Variants in MEGF6 observed in about 807,000 individuals in gnomAD.
MEGF6 encodes the protein multiple EGF like domains 6.
Under a neutral mutation model 207.1 loss-of-function variants are expected in MEGF6, and 184 were observed. The observed-to-expected ratio is 0.89, with a 90% confidence interval of 0.79 to 1.00. The LOEUF (loss-of-function observed/expected upper bound fraction) is 1.00, where lower values mean the gene tolerates loss of function less well. Ranked by LOEUF, MEGF6 falls within the 50% of genes least tolerant of loss-of-function variation. The pLI is 0.00. For missense variants in MEGF6, 2,282 were observed against 2,202.9 expected (o/e 1.04, Z -0.72); for synonymous variants, 1,038 against 910.0 (o/e 1.14, Z -2.53).
intron 2 of MEGF6, among the ~76,000 whole-genome samples, chr1:3,601,339 C>T (rs72634619): frequency 0.013 from 1,957 of 152,370 alleles, 12 homozygotes; most frequent in Non-Finnish European, 0.021. Flanking sequence ...CATCCATGCA[C>T]GCATGACATC....
rs555404910 is a variant in MEGF6, at chr1:3,501,696, C to A, written c.2314+100G>T. On this transcript the variant is annotated intron_variant, in intron 18 of 36. Coordinates refer to ENST00000356575, the MANE Select transcript of MEGF6 (RefSeq NM_001409.4). The stretch of plus-strand genomic sequence containing the variant: ...AGCTCTCACACCTGCTATAGACGGG[C>A]CTGGGATCCGCAGGGCTGGGGCCCC... 31 of 1,457,574 alleles carry A rather than the reference C, an allele frequency of 2.1e-5. No individual in the cohort carries two copies. The South Asian group carries it at 3.8e-4, about 18-fold the overall frequency. 90.3% of individuals were successfully genotyped at this position (1,457,574 alleles called of 1,614,324 possible).
intron 2 of MEGF6, among the ~76,000 whole-genome samples, chr1:3,598,944 G>A (rs927941382): frequency 2.4e-4 from 36 of 152,288 alleles, no homozygotes; most frequent in African/African-American, 8.2e-4. Context: ...ACCCACTGAG[G>A]GGGCTGAAGG....
At position 3,507,787 on chromosome 1, in the gene MEGF6, G is replaced by T; in HGVS notation, c.1789+8C>A. The T allele has an allele frequency of 1.2e-6, 2 of 1,612,744 alleles. No homozygotes were observed. The highest frequency in any genetic ancestry group is 1.7e-6 in the Non-Finnish European group (2 of 1,179,854). On this transcript the variant is annotated splice_region_variant and intron_variant, in intron 14 of 36. Transcript: ENST00000356575. ...AATTCCAGAAGCACCAGAAGAGGCT[G>T]CACGCACCATCCTCACAGTTAGTTC...
At position 3,501,020 on chromosome 1, in the gene MEGF6, C is replaced by A. The variant is rs139242509; in HGVS notation, c.2521G>T (p.Ala841Ser). ...GGGGCACAGCTGCAGTGTCCGGTGG[C>A]TGGGTGGCAGTGCCCATCATTGGCA... is the stretch of plus-strand genomic sequence containing the variant. Reference protein sequence around the residue: ...SCANDGHCHPATGHCSCAPGW... With the variant: ...SCANDGHCHPSTGHCSCAPGW... The change falls in exon 20 of 37, where the codon GCC (alanine) becomes TCC (serine). Residue 841 changes from alanine to serine, a missense_variant. By Grantham distance (99) the Ala-to-Ser change is moderately conservative (BLOSUM62 1). Transcript: ENST00000356575. The A allele has an allele frequency of 1.2e-6, 2 of 1,612,636 alleles. No homozygotes were observed. The highest frequency in any genetic ancestry group is 2.7e-5 in the African/African-American group (2 of 75,048).
chr1:3,561,753 G>A (rs534686838), intron 4 of MEGF6, among the ~76,000 whole-genome samples: 36 of 152,360 alleles, frequency 2.4e-4, no homozygotes, highest in African/African-American at 7.9e-4. Flanking sequence ...CGGCAGGGAA[G>A]CCTGTCCTGC....
intron 17 of MEGF6, 68 bp downstream of exon 17, chr1:3,505,140 C>T (rs1641053240): frequency 1.3e-6 from 2 of 1,573,460 alleles, no homozygotes; most frequent in African/African-American, 1.3e-5. Flanking sequence ...GAAGCCTACC[C>T]TCCAGCCAGG....
intron 5 of MEGF6, among the ~76,000 whole-genome samples, chr1:3,518,732 A>C (rs1003954948): frequency 1.3e-5 from 2 of 152,168 alleles, no homozygotes; most frequent in Admixed American, 6.5e-5. Context: ...CTGCCCTCAG[A>C]TAGGGATGGT....
intron 4 of MEGF6, among the ~76,000 whole-genome samples, chr1:3,562,341 T>C (rs1334214923): frequency 6.6e-6 from 1 of 152,226 alleles, no homozygotes; most frequent in East Asian, 1.9e-4. Context: ...TCTGTTTCTC[T>C]GTCTCTTTGT....
chr1:3,497,083 T>C lies in MEGF6; in HGVS notation c.3518A>G (p.Gln1173Arg), dbSNP rs2100874703. 1 of 1,573,018 alleles carries C rather than the reference T, an allele frequency of 6.4e-7. No individual in the cohort carries two copies. Among genetic ancestry groups the C allele is most frequent in the African/African-American group, 1.3e-5 (1 of 74,226 alleles). ...PPGSFGEDCA[Q>R]MCQCPGENPA... ...GTTCTCACCGGGACACTGGCACATC[T>C]GCGCACAGTCCTCCCCAAAGCTGCC... The change falls in exon 28 of 37, where the codon CAG becomes CGG. Residue 1173 changes from glutamine to arginine, a missense_variant. Transcript: ENST00000356575.
At position 3,501,908 on chromosome 1, in the gene MEGF6, C is replaced by G. The variant is rs1322937034; in HGVS notation, c.2202G>C (p.Gly734=). Residue 734 remains glycine, a synonymous_variant, in exon 18 of 37, where the codon GGG becomes GGC. Transcript: ENST00000356575. ...AGCTCGAGCAGTTCACGCCAAACGT[C>G]CCCACCGGGCACTCTGCAGGAGAAA... ...GEDCGQECPV[G]TFGVNCSSSC... 6.3e-7 allele frequency: 1 copy of G among 1,594,118 alleles called. No homozygotes were observed. Among genetic ancestry groups the G allele is most frequent in the Non-Finnish European group, 8.5e-7 (1 of 1,170,926 alleles).
chr1:3,502,282 G>T (rs1396393631), intron 17 of MEGF6, among the ~76,000 whole-genome samples: 2 of 152,068 alleles, frequency 1.3e-5, no homozygotes, highest in African/African-American at 4.8e-5. Context: ...AGATCCCTCG[G>T]CCATCCAGGA....
At chr1:3,610,945 G>C (rs1280961479) in intron 1 of MEGF6, among the ~76,000 whole-genome samples, 193 bp downstream of exon 1, 1 of 152,226 alleles carries the variant, frequency 6.6e-6, no homozygotes, top group East Asian at 1.9e-4. Context: ...CACGGCGAGG[G>C]GCCCTGCCAC....
intron 4 of MEGF6, chr1:3,531,267 G>C: frequency 2.2e-6 from 3 of 1,361,020 alleles, no homozygotes; most frequent in Non-Finnish European, 2.8e-6. Context: ...CCGGCGGGCG[G>C]GAGGGGGCGA....
chr1:3,488,729 A>G lies in MEGF6; in HGVS notation c.*1799T>C, dbSNP rs145733212. On this transcript the variant is annotated 3_prime_UTR_variant, in exon 37 of 37. Transcript: ENST00000356575. ...GTTTCTCACGTATAGTCTGAGGTCA[A>G]TTTGATTCCCATTCTTTTTTCTCTG... Among the ~76,000 whole-genome samples, 174 of 152,346 alleles carry G rather than the reference A, an allele frequency of 1.1e-3. 1 individual carries two copies. Among genetic ancestry groups the G allele is most frequent in the African/African-American group, 3.8e-3 (160 of 41,572 alleles).
chr1:3,500,169 G>A (rs902533810), intron 21 of MEGF6, among the ~76,000 whole-genome samples: 3 of 152,204 alleles, frequency 2.0e-5, no homozygotes, highest in Non-Finnish European at 4.4e-5. Context: ...GCTGTCCGTA[G>A]GACGCCCAAC....
chr1:3,540,760 G>A (rs1570095173), intron 4 of MEGF6, among the ~76,000 whole-genome samples: 1 of 152,154 alleles, frequency 6.6e-6, no homozygotes, highest in African/African-American at 2.4e-5. Flanking sequence ...TCTTTTCTGG[G>A]GCAGTCATCC....
the MEGF6 span, among the ~76,000 whole-genome samples, chr1:3,617,035 C>T: frequency 1.1e-4 from 16 of 152,090 alleles, no homozygotes; most frequent in African/African-American, 3.1e-4. Flanking sequence ...TGGGCTGCGG[C>T]GTGCAGGCTT....
At position 3,494,436 on chromosome 1, in the gene MEGF6, G is replaced by A. The variant is rs372352497; in HGVS notation, c.4064C>T (p.Thr1355Met). 58 of 1,562,986 alleles carry A rather than the reference G, an allele frequency of 3.7e-5. No homozygotes were observed. Among genetic ancestry groups the A allele is most frequent in the African/African-American group, 1.2e-4 (9 of 73,808 alleles). Reference protein sequence around the residue: ...HLECSCHNNSTCEPATGTCRC... With the variant: ...HLECSCHNNSMCEPATGTCRC... Reference sequence around the variant, plus strand: ...GCAGGTGCCCGTGGCAGGCTCACACGTGCTGTTGTTGTGGCAGGAGCACTC... The same window carrying A: ...GCAGGTGCCCGTGGCAGGCTCACACATGCTGTTGTTGTGGCAGGAGCACTC... Residue 1355 changes from threonine (T) to methionine (M), a missense_variant, in exon 32 of 37, where the codon ACG becomes ATG. By Grantham distance (81) the Thr-to-Met change is moderately conservative (BLOSUM62 -1). Coordinates refer to ENST00000356575, the MANE Select transcript of MEGF6 (RefSeq NM_001409.4).
chr1:3,535,872 G>A (rs920161497), intron 4 of MEGF6, among the ~76,000 whole-genome samples: 2 of 152,174 alleles, frequency 1.3e-5, no homozygotes, highest in African/African-American at 2.4e-5. Context: ...GGAATGGCTC[G>A]GGCAGGCACC....
Sources: allele counts gnomAD v4.1 joint callset (sites outside exome capture counted in the v4.1 genomes callset), GRCh38; gene constraint gnomAD v4.1.1; transcripts MANE v1.5; gene names NCBI Gene and HGNC (gene_info 2026-07-23, HGNC 2026-07-21).